The following PLCG2 variants were observed in gnomAD, a reference collection of about 807,000 sequenced individuals.
PLCG2 encodes phospholipase C gamma 2.
Under a neutral mutation model 175.6 loss-of-function variants are expected in PLCG2, and 69 were observed. The observed-to-expected ratio is 0.39, with a 90% CI of 0.32 to 0.48. The LOEUF (loss-of-function observed/expected upper bound fraction) is 0.48, where lower values mean the gene tolerates loss of function less well. PLCG2 is among the 20% of genes least tolerant of loss of function. The pLI, the probability that PLCG2 is intolerant of heterozygous loss-of-function variation, is 0.91. For missense variants in PLCG2, 1,798 were observed against 1,650.9 expected, an observed-to-expected ratio of 1.09 and a Z score of -1.54; for synonymous variants, 827 against 624.0, an observed-to-expected ratio of 1.33 and a Z score of -4.85.
chr16:81,877,704 T>C (rs1196235944), intron 7 of PLCG2, among the ~76,000 whole-genome samples: 1 of 152,162 alleles, frequency 6.6e-6, no homozygotes, highest in Non-Finnish European at 1.5e-5. Flanking sequence ...ATGGCATTGC[T>C]CTTTGGTGTG....
At chr16:81,806,206 C>T (rs1326560305) in intron 2 of PLCG2, among the ~76,000 whole-genome samples, 1 of 151,778 alleles carries the variant, frequency 6.6e-6, no homozygotes, top group African/African-American at 2.4e-5. Context: ...TAGTGGCTAC[C>T]ATATTGGATA....
chr16:81,883,282 C>A lies in PLCG2; in HGVS notation c.706C>A (p.Pro236Thr). Residue 236 changes from proline (P) to threonine (T), a missense_variant, in exon 9 of 33, where the codon CCG becomes ACG. By Grantham distance (38) the Pro-to-Thr change is conservative. Coordinates refer to ENST00000564138, the MANE Select transcript of PLCG2 (RefSeq NM_002661.5). ...CCCCGAGGATAGGAACACTGACAGG[C>A]CGGATGCCTCTGCTGTTTACCTGCA... Reference protein sequence around the residue: ...SVFILGNTDRPDASAVYLHDF... With the variant: ...SVFILGNTDRTDASAVYLHDF... The A allele has an allele frequency of 1.9e-6, 3 of 1,614,098 alleles. No homozygotes were observed. The highest frequency in any genetic ancestry group is 2.5e-6 in the Non-Finnish European group (3 of 1,179,930).
At chr16:81,880,354 A>G (rs548723810) in intron 7 of PLCG2, among the ~76,000 whole-genome samples, 2 of 152,346 alleles carry the variant, frequency 1.3e-5, no homozygotes, top group Admixed American at 6.5e-5. Context: ...TGTGCCTACA[A>G]TGTGCTGTGT....
At chr16:81,741,764 T>C (rs960977403) in intron 1 of PLCG2, among the ~76,000 whole-genome samples, 2 of 152,108 alleles carry the variant, frequency 1.3e-5, no homozygotes, top group African/African-American at 2.4e-5. Flanking sequence ...TGAGCTGAGA[T>C]TGTGCCACTG....
chr16:81,898,080 T>A lies in PLCG2; in HGVS notation c.1193+2153T>A, dbSNP rs898981769. 5 of 290,148 alleles carry A rather than the reference T, an allele frequency of 1.7e-5. No individual in the cohort carries two copies. In the East Asian group the frequency reaches 6.3e-4, roughly 36 times the overall value. 18.0% of individuals were successfully genotyped at this position (290,148 alleles called of 1,614,324 possible). On this transcript the variant is annotated intron_variant, in intron 13 of 32. Coordinates refer to ENST00000564138, the MANE Select transcript of PLCG2 (RefSeq NM_002661.5). ...TAACAGACACTGTGCAGTGGCAGCT[T>A]ACACTCTGCTTTGAGAGTTTGCTTT...
intron 8 of PLCG2, among the ~76,000 whole-genome samples, chr16:81,882,916 C>A (rs939432708): frequency 1.3e-5 from 2 of 152,088 alleles, no homozygotes; most frequent in Non-Finnish European, 2.9e-5. Flanking sequence ...TTCCCACCCT[C>A]ATCTCTTGCT....
intron 27 of PLCG2, among the ~76,000 whole-genome samples, chr16:81,937,064 G>T (rs897143240): frequency 1.3e-5 from 2 of 152,296 alleles, no homozygotes; most frequent in East Asian, 3.9e-4. Flanking sequence ...AGAAAGGCAG[G>T]GTGGGTCAAA....
rs1001137639 is a variant in PLCG2, at chr16:81,889,195, C to G, written c.789C>G (p.Asn263Lys). The change falls in exon 10 of 33, where the codon AAC becomes AAG. Residue 263 changes from asparagine to lysine, a missense_variant. Physicochemically the swap from Asn to Lys is moderately conservative, Grantham distance 94. Coordinates refer to ENST00000564138, the MANE Select transcript of PLCG2 (RefSeq NM_002661.5). ...AGGAGCATTGGGCTCAGGATCTGAA[C>G]AAAGTCCGTGAGCGGATGACAAAGT... ...EQQEHWAQDL[N>K]KVRERMTKFI... The G allele has an allele frequency of 1.9e-6, 3 of 1,603,194 alleles. No homozygotes were observed. Among genetic ancestry groups the G allele is most frequent in the Non-Finnish European group, 2.6e-6 (3 of 1,173,822 alleles).
chr16:81,908,329 G>C lies in PLCG2; in HGVS notation c.1558-87G>C, dbSNP rs62044874. The C allele has an allele frequency of 0.086, 107,877 of 1,249,582 alleles. 5,429 individuals are homozygous for C. Among genetic ancestry groups the C allele is most frequent in the Non-Finnish European group, 0.1 (90,128 of 879,576 alleles). 77.4% of individuals were successfully genotyped at this position (1,249,582 alleles called of 1,614,324 possible). On this transcript the variant is annotated intron_variant, in intron 16 of 32. Coordinates refer to ENST00000564138, the MANE Select transcript of PLCG2 (RefSeq NM_002661.5). Reference sequence around the variant, plus strand: ...GCCTCTCTATGTTATCTGGTACCCTGGGTCAGGGTGAGACAGAAGGACCTG... The same window carrying C: ...GCCTCTCTATGTTATCTGGTACCCTCGGTCAGGGTGAGACAGAAGGACCTG...
intron 19 of PLCG2, among the ~76,000 whole-genome samples, chr16:81,913,821 C>A (rs1342283295): frequency 6.6e-6 from 1 of 152,180 alleles, no homozygotes; most frequent in Non-Finnish European, 1.5e-5. Flanking sequence ...AGGCTGCCCC[C>A]TGGGCGTTTG....
chr16:81,823,076 A>G (rs1597338212), intron 2 of PLCG2, among the ~76,000 whole-genome samples: 1 of 152,274 alleles, frequency 6.6e-6, no homozygotes, highest in Non-Finnish European at 1.5e-5. Context: ...CAGCAGCCGT[A>G]GGGCACTTAT....
intron 30 of PLCG2, among the ~76,000 whole-genome samples, chr16:81,941,778 C>G (rs889828356): frequency 2.0e-5 from 3 of 151,256 alleles, no homozygotes; most frequent in African/African-American, 7.3e-5. Context: ...CTCACTGTAA[C>G]CTCTGCCTCA....
chr16:81,895,950 G>A (rs1381731480), intron 13 of PLCG2, 23 bp downstream of exon 13: 1 of 1,613,784 alleles, frequency 6.2e-7, no homozygotes. Context: ...ATTTCTGGGT[G>A]GTGTGACTTA....
chr16:81,838,699 A>C (rs1905654651), intron 2 of PLCG2, among the ~76,000 whole-genome samples: 1 of 151,736 alleles, frequency 6.6e-6, no homozygotes, highest in African/African-American at 2.4e-5. Flanking sequence ...TAGGTGCAGC[A>C]AGCCACCATG....
intron 25 of PLCG2, among the ~76,000 whole-genome samples, chr16:81,933,082 T>C: frequency 6.6e-6 from 1 of 152,346 alleles, no homozygotes; most frequent in East Asian, 1.9e-4. Context: ...GCCTCACACC[T>C]CCTCTCCTGC....
chr16:81,789,812 T>A lies in PLCG2; in HGVS notation c.193+3630T>A, dbSNP rs187227987. On this transcript the variant is annotated intron_variant, in intron 2 of 32. Coordinates refer to ENST00000564138, the MANE Select transcript of PLCG2 (RefSeq NM_002661.5). ...TCTCCCTCCTCTTCTCCCTCCCACT[T>A]TCCCTTTCTTTCTCCTTCCCTTCCC... is the stretch of plus-strand genomic sequence containing the variant. 5.6e-3 allele frequency among the ~76,000 whole-genome samples: 848 copies of A among 150,904 alleles called. 28 individuals carry two copies. The highest frequency in any genetic ancestry group is 1.6e-3 in the Non-Finnish European group (109 of 67,776).
At position 81,958,160 on chromosome 16, in the gene PLCG2, G is replaced by T; in HGVS notation, c.*162G>T. On this transcript the variant is annotated 3_prime_UTR_variant, in exon 33 of 33. Coordinates refer to ENST00000564138, the MANE Select transcript of PLCG2 (RefSeq NM_002661.5). ...TTAAGACCCAACTGGCATGAGTTGG[G>T]GTAATTTCCTATTATTTTCATCTTG... The T allele has an allele frequency of 1.7e-5, 10 of 590,996 alleles. No homozygotes were observed. The highest frequency in any genetic ancestry group is 6.9e-5 in the South Asian group (3 of 43,248). 36.6% of individuals were successfully genotyped at this position (590,996 alleles called of 1,614,324 possible).
At chr16:81,876,567 G>T (rs1039274293) in intron 7 of PLCG2, among the ~76,000 whole-genome samples, 1 of 152,170 alleles carries the variant, frequency 6.6e-6, no homozygotes, top group African/African-American at 2.4e-5. Context: ...GCCCGACTCA[G>T]AGATGACATT....
intron 2 of PLCG2, among the ~76,000 whole-genome samples, chr16:81,802,824 G>A (rs1597326929): frequency 6.6e-6 from 1 of 152,152 alleles, no homozygotes; most frequent in Non-Finnish European, 1.5e-5. Flanking sequence ...ACCCACCTCA[G>A]CCTCCCAAAG....
Sources: gnomAD v4.1 joint callset for allele counts (sites outside exome capture counted in the v4.1 genomes callset) on GRCh38, gnomAD v4.1.1 for gene constraint, MANE v1.5 for transcripts, NCBI Gene and HGNC (gene_info 2026-07-23, HGNC 2026-07-21) for gene names.